ZNF385D: variants seen among roughly 807,000 people sequenced by gnomAD.
ZNF385D encodes the protein zinc finger protein 385D, also known as zinc finger protein 659.
In ZNF385D, 15 loss-of-function variants were observed where a neutral mutation model predicts 35.8. The observed-to-expected ratio is 0.42, with a 90% CI of 0.28 to 0.64. The LOEUF is 0.64. Ranked by LOEUF, ZNF385D falls within the 30% of genes least tolerant of loss-of-function variation. The probability of loss-of-function intolerance (pLI) is 0.23; values close to 1 mark genes in which losing one functional copy is unlikely to be tolerated. For synonymous variants in ZNF385D, 212 were observed against 186.8 expected, an observed-to-expected ratio of 1.13 and a Z score of -1.10; for missense variants, 474 against 494.6, an observed-to-expected ratio of 0.96 and a Z score of 0.39.
At chr3:21,763,318 T>C (rs1050645105) in intron 3 of ZNF385D, among the ~76,000 whole-genome samples, 4 of 152,196 alleles carry the variant, frequency 2.6e-5, no homozygotes, top group Non-Finnish European at 5.9e-5. Context: ...TCTCTTTCTC[T>C]ATAACAAAGG....
intron 3 of ZNF385D, among the ~76,000 whole-genome samples, chr3:22,165,469 C>CA (rs778250086): frequency 1.0e-3 from 154 of 152,032 alleles, no homozygotes; most frequent in Non-Finnish European, 1.9e-3. Context: ...CTGGATAAGG[C>CA]AAAAAATACT....
At chr3:21,577,793 C>T (rs1210479358) in intron 2 of ZNF385D, among the ~76,000 whole-genome samples, 1 of 151,132 alleles carries the variant, frequency 6.6e-6, no homozygotes, top group Non-Finnish European at 1.5e-5. Context: ...TACTTGTTGG[C>T]CATTTGTATA....
At chr3:22,107,565 T>G (rs549253249) in intron 3 of ZNF385D, among the ~76,000 whole-genome samples, 1 of 152,228 alleles carries the variant, frequency 6.6e-6, no homozygotes, top group African/African-American at 2.4e-5. Flanking sequence ...GATGACTTCT[T>G]TAGTGACTAC....
chr3:21,785,921 A>T (rs1170431801), intron 3 of ZNF385D, among the ~76,000 whole-genome samples: 1 of 152,200 alleles, frequency 6.6e-6, no homozygotes, highest in African/African-American at 2.4e-5. Flanking sequence ...ATTTCCATAG[A>T]GGCTGCACTG....
At chr3:21,765,090 T>A (rs1039590533) in intron 3 of ZNF385D, among the ~76,000 whole-genome samples, 4 of 151,994 alleles carry the variant, frequency 2.6e-5, no homozygotes, top group Admixed American at 1.3e-4. Flanking sequence ...AAAATGAGAG[T>A]CTTTATAAGT....
chr3:21,991,502 A>T (rs961030720), intron 3 of ZNF385D, among the ~76,000 whole-genome samples: 64 of 152,210 alleles, frequency 4.2e-4, no homozygotes, highest in African/African-American at 1.5e-3. Flanking sequence ...AAAATAAGAA[A>T]AAACAATTTG....
chr3:21,716,805 G>C (rs2068337836), intron 1 of ZNF385D, among the ~76,000 whole-genome samples: 2 of 151,832 alleles, frequency 1.3e-5, no homozygotes, highest in South Asian at 4.1e-4. Context: ...GTTTTGTTTT[G>C]TTCATTGCTC....
At chr3:22,012,861 AAGGTAAAACCTTG>A (rs1696664263) in intron 3 of ZNF385D, among the ~76,000 whole-genome samples, 1 of 152,186 alleles carries the variant, frequency 6.6e-6, no homozygotes, top group Non-Finnish European at 1.5e-5. Context: ...TTAAAATGTT[AAGGTAAAACCTTG>A]AGTTTCTCAA....
chr3:22,070,168 C>A (rs1000052010), intron 3 of ZNF385D, among the ~76,000 whole-genome samples: 4 of 152,122 alleles, frequency 2.6e-5, no homozygotes, highest in Non-Finnish European at 4.4e-5. Context: ...TATTTTCTAA[C>A]AACAAGCATT....
intron 3 of ZNF385D, among the ~76,000 whole-genome samples, chr3:22,048,880 G>A (rs1699173108): frequency 6.6e-6 from 1 of 152,064 alleles, no homozygotes; most frequent in Non-Finnish European, 1.5e-5. Context: ...TCATGAACAT[G>A]GAATATCTTT....
chr3:22,236,111 T>C (rs1467948353), intron 2 of ZNF385D, among the ~76,000 whole-genome samples: 1 of 152,162 alleles, frequency 6.6e-6, no homozygotes, highest in East Asian at 1.9e-4. Flanking sequence ...CAAATAATAA[T>C]ACAAATTTTT....
At chr3:21,535,707 G>A (rs375624893) in intron 3 of ZNF385D, among the ~76,000 whole-genome samples, 11 of 151,792 alleles carry the variant, frequency 7.2e-5, no homozygotes, top group East Asian at 3.9e-4. Flanking sequence ...ATTTAGCTTT[G>A]AATATCAGTC....
chr3:21,773,325 AG>A (rs1276109474), intron 3 of ZNF385D, among the ~76,000 whole-genome samples: 1 of 151,962 alleles, frequency 6.6e-6, no homozygotes, highest in Admixed American at 6.6e-5. Context: ...TCTTTGGAAT[AG>A]GTTTCTCTTT....
intron 2 of ZNF385D, among the ~76,000 whole-genome samples, chr3:21,599,209 T>C (rs6789478): frequency 0.37 from 56,307 of 151,982 alleles, 11,062 homozygotes; most frequent in African/African-American, 0.5. Flanking sequence ...TCAATTTGGC[T>C]GAACTATTTT....
At chr3:21,960,445 G>C (rs1244204427) in intron 3 of ZNF385D, among the ~76,000 whole-genome samples, 2 of 103,638 alleles carry the variant, frequency 1.9e-5, no homozygotes, top group African/African-American at 3.1e-5. Flanking sequence ...GCAAATGCTG[G>C]TGTGGATGCA....
intron 2 of ZNF385D, among the ~76,000 whole-genome samples, chr3:21,599,600 A>C (rs867983553): frequency 6.6e-6 from 1 of 152,206 alleles, no homozygotes; most frequent in Non-Finnish European, 1.5e-5. Flanking sequence ...ACAGATGAGG[A>C]AAATCATGCC....
chr3:21,908,172 A>G (rs987236374), intron 3 of ZNF385D, among the ~76,000 whole-genome samples: 1 of 150,976 alleles, frequency 6.6e-6, no homozygotes. Flanking sequence ...CTATCTATCT[A>G]TATATGTATA....
At chr3:22,106,931 G>T (rs1164110171) in intron 3 of ZNF385D, among the ~76,000 whole-genome samples, 7 of 151,728 alleles carry the variant, frequency 4.6e-5, no homozygotes, top group African/African-American at 7.3e-5. Context: ...ATGGTTAGTT[G>T]CTGCTCTCTC....
intron 2 of ZNF385D, among the ~76,000 whole-genome samples, chr3:22,201,085 A>C (rs1018163404): frequency 6.6e-6 from 1 of 152,182 alleles, no homozygotes; most frequent in African/African-American, 2.4e-5. Flanking sequence ...AGGCATAGGA[A>C]ATCACAAGGG....
Sources: allele counts gnomAD v4.1 joint callset (sites outside exome capture counted in the v4.1 genomes callset), GRCh38; gene constraint gnomAD v4.1.1; transcripts MANE v1.5; gene names NCBI Gene and HGNC (gene_info 2026-07-23, HGNC 2026-07-21).